The following SKAP1 variants were observed in gnomAD, a reference collection of about 807,000 sequenced individuals.
The protein encoded by SKAP1 is src kinase-associated phosphoprotein 1.
Under a neutral mutation model 58.5 loss-of-function variants are expected in SKAP1, and 44 were observed. That is an observed-to-expected ratio of 0.75 (90% CI 0.59 to 0.97). The LOEUF is 0.97. Among genes scored for constraint, SKAP1 ranks in the 50% least tolerant of loss-of-function variants. The pLI is 0.00. For synonymous variants in SKAP1, 127 were observed against 149.7 expected (o/e 0.85, Z 1.11); for missense variants, 390 against 435.2 (o/e 0.90, Z 0.92).
At chr17:48,148,040 G>A (rs1260139239) in intron 11 of SKAP1, among the ~76,000 whole-genome samples, 1 of 152,144 alleles carries the variant, frequency 6.6e-6, no homozygotes, top group African/African-American at 2.4e-5. Flanking sequence ...GAAGAGGAAT[G>A]TGTTCTCTAG....
At chr17:48,302,463 G>C (rs2066072992) in intron 4 of SKAP1, among the ~76,000 whole-genome samples, 1 of 152,190 alleles carries the variant, frequency 6.6e-6, no homozygotes, top group Non-Finnish European at 1.5e-5. Flanking sequence ...AGGAAGTGAA[G>C]TTTCCTTCTC....
At chr17:48,154,727 C>T (rs2063949454) in intron 11 of SKAP1, among the ~76,000 whole-genome samples, 1 of 152,100 alleles carries the variant, frequency 6.6e-6, no homozygotes, top group South Asian at 2.1e-4. Flanking sequence ...CCATAAATAA[C>T]TTATGGAACA....
rs1214908028 is a variant in SKAP1, at chr17:48,405,441, C to CT, written c.47-8657dup. Among the ~76,000 whole-genome samples, 4 of 78,480 alleles carry CT rather than the reference C, an allele frequency of 5.1e-5. 1 individual carries two copies. Among genetic ancestry groups the CT allele is most frequent in the South Asian group, 9.2e-4 (2 of 2,180 alleles). The allele number at this position is 78,480 out of a possible 152,430, so 51.5% of individuals were successfully genotyped here. ...TCTTTCTTTCTTTCTTTCTTTCTTT[C>CT]TTTCTTTCTTTTCTTTCTTTCTTTC... On this transcript the variant is annotated intron_variant, in intron 1 of 12. Transcript: ENST00000336915.
chr17:48,219,463 A>G (rs2064976918), intron 4 of SKAP1, among the ~76,000 whole-genome samples: 5 of 152,190 alleles, frequency 3.3e-5, no homozygotes, highest in Admixed American at 3.3e-4. Context: ...AAAACACTTC[A>G]AGGCAATTAA....
At chr17:48,289,702 TG>T (rs2065876726) in intron 4 of SKAP1, among the ~76,000 whole-genome samples, 1 of 152,078 alleles carries the variant, frequency 6.6e-6, no homozygotes, top group African/African-American at 2.4e-5. Context: ...AGCCCTATTA[TG>T]TTGTAATCTG....
intron 10 of SKAP1, among the ~76,000 whole-genome samples, chr17:48,163,346 T>C (rs1236244261): frequency 6.6e-6 from 1 of 152,200 alleles, no homozygotes; most frequent in East Asian, 1.9e-4. Flanking sequence ...AGAGATTTAC[T>C]GAGCTTCTCA....
chr17:48,334,739 T>C, intron 4 of SKAP1, among the ~76,000 whole-genome samples: 1 of 151,902 alleles, frequency 6.6e-6, no homozygotes. Context: ...ATCATTCCTA[T>C]GTAGATCCAT....
chr17:48,335,922 C>T (rs1050070176), intron 4 of SKAP1, among the ~76,000 whole-genome samples: 6 of 152,052 alleles, frequency 3.9e-5, no homozygotes, highest in Non-Finnish European at 5.9e-5. Flanking sequence ...TCTGAGTATG[C>T]GTATGCGTAC....
the SKAP1 span, among the ~76,000 whole-genome samples, chr17:48,438,792 G>A: frequency 1.3e-5 from 2 of 152,148 alleles, no homozygotes; most frequent in African/African-American, 4.8e-5. Context: ...GGAGTCTGTA[G>A]TCCCTTTAGT....
rs553120380 is a variant in SKAP1 at position 48,313,053 on chromosome 17, G to GA, written c.280+32851dup. On this transcript the variant is annotated intron_variant, in intron 4 of 12. Coordinates refer to ENST00000336915, the MANE Select transcript of SKAP1 (RefSeq NM_003726.4). ...TATATTCCTAAAGGGATATGGATGA[G>GA]AAAAAATCTTCTTGTTCCAAAATGA... 2.2e-3 allele frequency among the ~76,000 whole-genome samples: 304 copies of GA among 138,300 alleles called. 1 individual carries two copies. The highest frequency in any genetic ancestry group is 7.8e-3 in the African/African-American group (288 of 37,094). 90.7% of individuals were successfully genotyped at this position (138,300 alleles called of 152,430 possible).
intron 11 of SKAP1, among the ~76,000 whole-genome samples, chr17:48,142,212 A>G (rs2063776178): frequency 1.3e-5 from 2 of 148,452 alleles, no homozygotes; most frequent in South Asian, 4.3e-4. Context: ...CCTGTAATCC[A>G]GCACTTTGGG....
chr17:48,169,057 G>T (rs1413798565), intron 10 of SKAP1, among the ~76,000 whole-genome samples: 1 of 151,792 alleles, frequency 6.6e-6, no homozygotes, highest in Non-Finnish European at 1.5e-5. Context: ...TTCAGAGCTT[G>T]CTATACTTTA....
At chr17:48,199,708 T>C (rs986487583) in intron 4 of SKAP1, among the ~76,000 whole-genome samples, 3 of 152,188 alleles carry the variant, frequency 2.0e-5, no homozygotes, top group Admixed American at 6.5e-5. Context: ...GTAAAGCTGC[T>C]AGAATCCTTG....
chr17:48,189,402 A>G lies in SKAP1; in HGVS notation c.358+21T>C, dbSNP rs764700137. ...CCTTCCCTTCCTGGAATGTTCTGAA[A>G]TCTGTGGGTCTGACCAATACCTTTG... On this transcript the variant is annotated intron_variant, in intron 5 of 12. Transcript: ENST00000336915. The G allele has an allele frequency of 3.1e-6, 5 of 1,588,768 alleles. No homozygotes were observed. In the South Asian group the frequency reaches 3.4e-5, roughly 11 times the overall value.
At chr17:48,179,996 C>T (rs1280227163) in intron 9 of SKAP1, 58 bp downstream of exon 9, 36 of 1,438,772 alleles carry the variant, frequency 2.5e-5, no homozygotes, top group Non-Finnish European at 3.3e-5. Flanking sequence ...ATTATTCTTC[C>T]ACCAGGTCAT....
At position 48,167,595 on chromosome 17, in the gene SKAP1, A is replaced by G. The variant is rs372004720; in HGVS notation, c.877+3014T>C. ...TTTTTTGGCCCTCCTAAAAGCAATCATTTGCTTATAAGACCACAATAGTGT... is the reference window on the plus strand; with the variant it reads ...TTTTTTGGCCCTCCTAAAAGCAATCGTTTGCTTATAAGACCACAATAGTGT... On this transcript the variant is annotated intron_variant, in intron 10 of 12. Transcript: ENST00000336915. Among the ~76,000 whole-genome samples the G allele has an allele frequency of 3.9e-5, 6 of 152,084 alleles. No homozygotes were observed. The East Asian group carries it at 7.7e-4, about 20-fold the overall frequency.
At chr17:48,193,074 T>A (rs368031876) in intron 4 of SKAP1, among the ~76,000 whole-genome samples, 1 of 152,320 alleles carries the variant, frequency 6.6e-6, no homozygotes, top group South Asian at 2.1e-4. Flanking sequence ...AGAGTCTCAC[T>A]CTTGTCGCCC....
chr17:48,423,665 G>C (rs1053473053), intron 1 of SKAP1, among the ~76,000 whole-genome samples: 1 of 152,190 alleles, frequency 6.6e-6, no homozygotes, highest in African/African-American at 2.4e-5. Flanking sequence ...CAACAGCACA[G>C]TGTTAATATC....
At chr17:48,261,937 A>G (rs2065490510) in intron 4 of SKAP1, among the ~76,000 whole-genome samples, 1 of 152,236 alleles carries the variant, frequency 6.6e-6, no homozygotes, top group African/African-American at 2.4e-5. Context: ...GATCAATTTC[A>G]TTCTTCTCCA....
Sources: gnomAD v4.1 joint callset for allele counts (sites outside exome capture counted in the v4.1 genomes callset) on GRCh38, gnomAD v4.1.1 for gene constraint, MANE v1.5 for transcripts, NCBI Gene and HGNC (gene_info 2026-07-23, HGNC 2026-07-21) for gene names.